The following UBAP2 variants were observed in gnomAD, a reference collection of about 807,000 sequenced individuals.
The protein encoded by UBAP2 is ubiquitin-associated protein 2.
UBAP2 carries 75 observed loss-of-function variants against 139.6 expected under a neutral mutation model. The observed-to-expected ratio is 0.54, with a 90% CI of 0.45 to 0.65. The LOEUF (loss-of-function observed/expected upper bound fraction) is 0.65. Ranked by LOEUF, UBAP2 falls within the 30% of genes least tolerant of loss-of-function variation. The pLI, the probability that UBAP2 is intolerant of heterozygous loss-of-function variation, is 0.00. For synonymous variants in UBAP2, 526 were observed against 526.2 expected, an observed-to-expected ratio of 1.00 and a Z score of 0.01; for missense variants, 1,368 against 1,369.6, an observed-to-expected ratio of 1.00 and a Z score of 0.02.
chr9:34,030,648 C>A (rs888528215), intron 1 of UBAP2, among the ~76,000 whole-genome samples: 1 of 151,972 alleles, frequency 6.6e-6, no homozygotes, highest in Non-Finnish European at 1.5e-5. Flanking sequence ...AATAAGGGGC[C>A]AGGCACGGTG....
At chr9:33,983,772 A>G (rs1820969185) in intron 6 of UBAP2, among the ~76,000 whole-genome samples, 1 of 152,172 alleles carries the variant, frequency 6.6e-6, no homozygotes, top group African/African-American at 2.4e-5. Context: ...GTAAGTTTGA[A>G]ACTTACTTTA....
At chr9:33,934,041 C>G (rs564064446) in intron 17 of UBAP2, 48 of 173,618 alleles carry the variant, frequency 2.8e-4, no homozygotes, top group Middle Eastern at 5.8e-3. Context: ...AGCTAACAGG[C>G]AAGACCACCT....
chr9:34,015,318 A>T lies in UBAP2; in HGVS notation c.99+1732T>A, dbSNP rs547943212. Among the ~76,000 whole-genome samples the T allele has an allele frequency of 2.6e-5, 4 of 152,070 alleles. No homozygotes were observed. The South Asian group carries it at 8.3e-4, about 32-fold the overall frequency. On this transcript the variant is annotated intron_variant, in intron 2 of 28. Transcript: ENST00000379238. ...TATTTAACATTAAAAATTTTATTCA[A>T]ATGGGTCTTTGTTTTATTGAGACAG...
intron 1 of UBAP2, among the ~76,000 whole-genome samples, chr9:34,033,739 CTTT>C: frequency 7.1e-6 from 1 of 140,036 alleles, no homozygotes. Flanking sequence ...CAAATCAATT[CTTT>C]TTTTTTTTTT....
At chr9:33,955,522 AAAAACAAAAC>A in intron 11 of UBAP2, among the ~76,000 whole-genome samples, 1 of 151,692 alleles carries the variant, frequency 6.6e-6, no homozygotes, top group South Asian at 2.1e-4. Flanking sequence ...TCCGTCTCAA[AAAAACAAAAC>A]AAAACAAAAA....
At chr9:34,012,400 G>A (rs118085978) in intron 2 of UBAP2, among the ~76,000 whole-genome samples, 6,112 of 152,084 alleles carry the variant, frequency 0.04, 186 homozygotes, top group Admixed American at 0.065. Flanking sequence ...GCATGGTGGC[G>A]CATGCCTATA....
At chr9:33,969,255 TA>T (rs1827709246) in intron 8 of UBAP2, among the ~76,000 whole-genome samples, 1 of 152,212 alleles carries the variant, frequency 6.6e-6, no homozygotes, top group South Asian at 2.1e-4. Flanking sequence ...ACTTGTTTTT[TA>T]AAAGTTAAAC....
intron 1 of UBAP2, among the ~76,000 whole-genome samples, chr9:34,027,598 C>T (rs1825513012): frequency 1.3e-5 from 2 of 151,948 alleles, no homozygotes; most frequent in Admixed American, 6.6e-5. Flanking sequence ...TGGCTCACGC[C>T]TGTAATCCCA....
intron 19 of UBAP2, chr9:33,928,331 T>TA: frequency 3.8e-6 from 1 of 262,602 alleles, no homozygotes; most frequent in Non-Finnish European, 7.2e-6. Flanking sequence ...CTTCGGATCA[T>TA]AAATGAACAC....
rs1173625005 is a variant in UBAP2 at position 33,969,921 on chromosome 9, C to CTTTTTTTTTTTT, written c.679+1718_679+1729dup. ...GCAAACTTAAATACCGTGTATAATT[C>CTTTTTTTTTTTT]TTTTTTTTTTTTTTTTTTTTTTTTT... On this transcript the variant is annotated intron_variant, in intron 8 of 28. Coordinates refer to ENST00000379238, the MANE Select transcript of UBAP2 (RefSeq NM_001370062.2). Among the ~76,000 whole-genome samples the CTTTTTTTTTTTT allele has an allele frequency of 7.6e-4, 35 of 46,182 alleles. 3 individuals carry two copies. Among genetic ancestry groups the CTTTTTTTTTTTT allele is most frequent in the East Asian group, 4.4e-3 (4 of 910 alleles). The allele number at this position is 46,182 out of a possible 152,430, so 30.3% of individuals were successfully genotyped here.
intron 22 of UBAP2, among the ~76,000 whole-genome samples, chr9:33,925,568 C>T (rs1823356320): frequency 6.6e-6 from 1 of 152,220 alleles, no homozygotes; most frequent in African/African-American, 2.4e-5. Context: ...CGGGGCTCAG[C>T]ACCACCTCCT....
chr9:33,996,200 G>A (rs1822183407), intron 4 of UBAP2, 23 bp downstream of exon 4: 1 of 1,558,258 alleles, frequency 6.4e-7, no homozygotes, highest in Non-Finnish European at 8.8e-7. Context: ...TGTAAACAAT[G>A]CAAATCAATT....
At chr9:33,926,717 A>T in intron 21 of UBAP2, 53 bp from the exon 22 acceptor site, 1 of 1,593,618 alleles carries the variant, frequency 6.3e-7, no homozygotes. Flanking sequence ...CACCCTGGGA[A>T]GCCCAGGTCC....
intron 10 of UBAP2, among the ~76,000 whole-genome samples, chr9:33,957,888 G>A (rs544506393): frequency 1.5e-4 from 22 of 148,590 alleles, no homozygotes; most frequent in Middle Eastern, 7.0e-3. Flanking sequence ...ATTGTTTACC[G>A]GTTCAACAAG....
chr9:33,923,546 C>G, intron 24 of UBAP2, 68 bp from the exon 25 acceptor site: 1 of 1,496,164 alleles, frequency 6.7e-7, no homozygotes, highest in Non-Finnish European at 9.3e-7. Context: ...GGTACCCCTG[C>G]CAGAGCCTAA....
At chr9:34,028,396 T>A (rs969271029) in intron 1 of UBAP2, among the ~76,000 whole-genome samples, 1 of 54,074 alleles carries the variant, frequency 1.8e-5, no homozygotes, top group African/African-American at 5.3e-5. Flanking sequence ...TTATTTATTT[T>A]GAGATGGAGT....
chr9:33,968,329 A>G (rs1827626000), intron 8 of UBAP2: 1 of 585,226 alleles, frequency 1.7e-6, no homozygotes, highest in Non-Finnish European at 3.4e-6. Context: ...GCCCATGTTC[A>G]TCGGTCACAG....
chr9:33,923,162 CTGGA>C lies in UBAP2; in HGVS notation c.3004+20_3004+23del. On this transcript the variant is annotated intron_variant, in intron 26 of 28. Coordinates refer to ENST00000379238, the MANE Select transcript of UBAP2 (RefSeq NM_001370062.2). The stretch of plus-strand genomic sequence containing the variant: ...GGAGCCCACCACTCCAGGCCTTATC[CTGGA>C]AAGGAGAGGTAAACACTACCTTTGC... The C allele has an allele frequency of 2.5e-6, 4 of 1,614,028 alleles. No homozygotes were observed. The highest frequency in any genetic ancestry group is 3.4e-6 in the Non-Finnish European group (4 of 1,179,880).
At chr9:33,955,631 C>T (rs1479000547) in intron 11 of UBAP2, among the ~76,000 whole-genome samples, 1 of 151,822 alleles carries the variant, frequency 6.6e-6, no homozygotes, top group Non-Finnish European at 1.5e-5. Flanking sequence ...GAATTCGAGA[C>T]CAGCCTGACC....
Sources: gnomAD v4.1 joint callset for allele counts (sites outside exome capture counted in the v4.1 genomes callset) on GRCh38, gnomAD v4.1.1 for gene constraint, MANE v1.5 for transcripts, NCBI Gene and HGNC (gene_info 2026-07-23, HGNC 2026-07-21) for gene names.